HIVEP2: variants seen among roughly 807,000 people sequenced by gnomAD.
HIVEP2 encodes the protein HIVEP zinc finger 2.
HIVEP2 carries 14 observed loss-of-function variants against 180.7 expected under a neutral mutation model. The ratio of observed to expected loss-of-function variants is 0.08; its 90% CI spans 0.05 to 0.12. The LOEUF (loss-of-function observed/expected upper bound fraction) is 0.12, where lower values mean the gene tolerates loss of function less well. Ranked by LOEUF, HIVEP2 falls within the 10% of genes least tolerant of loss-of-function variation. The pLI, the probability that HIVEP2 is intolerant of heterozygous loss-of-function variation, is 1.00. For missense variants in HIVEP2, 2,579 were observed against 3,008.5 expected (o/e 0.86, Z 3.34); for synonymous variants, 1,184 against 1,136.4 (o/e 1.04, Z -0.84).
rs1002059038 is a variant in HIVEP2, at chr6:142,845,247, T to C, written c.-640-8200A>G. On this transcript the variant is annotated intron_variant, in intron 1 of 9. Coordinates refer to ENST00000367603, the MANE Select transcript of HIVEP2 (RefSeq NM_006734.4). ...AATAGAAGCAAGACTTCCTCCTCTGTGGGAAATATTAGTAATCCTATTAAG... is the reference window on the plus strand; with the variant it reads ...AATAGAAGCAAGACTTCCTCCTCTGCGGGAAATATTAGTAATCCTATTAAG... Among the ~76,000 whole-genome samples the C allele has an allele frequency of 9.8e-5, 15 of 152,338 alleles. No homozygotes were observed. In the East Asian group the frequency reaches 1.7e-3, roughly 18 times the overall value.
chr6:142,937,947 G>T (rs1304389050), intron 1 of HIVEP2, among the ~76,000 whole-genome samples: 3 of 152,176 alleles, frequency 2.0e-5, no homozygotes, highest in Non-Finnish European at 4.4e-5. Flanking sequence ...CCTTCTAACG[G>T]ATTTGCTAAA....
At chr6:142,844,548 CCA>C (rs900542793) in intron 1 of HIVEP2, among the ~76,000 whole-genome samples, 2 of 152,132 alleles carry the variant, frequency 1.3e-5, no homozygotes, top group Non-Finnish European at 2.9e-5. Flanking sequence ...TATGGTTTAG[CCA>C]CAGTTACTGT....
intron 2 of HIVEP2, among the ~76,000 whole-genome samples, chr6:142,789,351 C>A (rs998559162): frequency 6.6e-6 from 1 of 152,148 alleles, no homozygotes; most frequent in African/African-American, 2.4e-5. Flanking sequence ...TTAAAACACA[C>A]GTCATGTTTT....
chr6:142,837,911 T>G (rs982710085), intron 1 of HIVEP2, among the ~76,000 whole-genome samples: 4 of 152,130 alleles, frequency 2.6e-5, no homozygotes, highest in Non-Finnish European at 5.9e-5. Context: ...TACTAATATT[T>G]CAAAAAGTCT....
At chr6:142,830,108 T>C (rs992370881) in intron 2 of HIVEP2, among the ~76,000 whole-genome samples, 1 of 152,106 alleles carries the variant, frequency 6.6e-6, no homozygotes, top group Non-Finnish European at 1.5e-5. Flanking sequence ...ACTGCTACCA[T>C]CAAATTTAAG....
intron 2 of HIVEP2, among the ~76,000 whole-genome samples, chr6:142,822,595 T>G (rs976207077): frequency 2.6e-5 from 4 of 152,148 alleles, no homozygotes; most frequent in Non-Finnish European, 5.9e-5. Context: ...AATGAAACAG[T>G]TTTTTTCTCA....
chr6:142,839,554 G>A (rs940181795), intron 1 of HIVEP2, among the ~76,000 whole-genome samples: 4 of 151,972 alleles, frequency 2.6e-5, no homozygotes, highest in Non-Finnish European at 5.9e-5. Context: ...TCAGTTATTC[G>A]CATGTAATAA....
rs1464105567 is a variant in HIVEP2 at position 142,770,768 on chromosome 6, C to G, written c.3971G>C (p.Gly1324Ala). ...TGTTCCTGGGAGGGACTGCAAAGAC[C>G]CAGCATTTGCCGAGGCAAAATCTTC... ...LQEDFASANA[G>A]SLQSLPGTVV... The change falls in exon 5 of 10, where the codon GGG becomes GCG. Residue 1324 changes from glycine to alanine, a missense_variant. Around this residue, in one of 11 missense-constraint regions of HIVEP2, gnomAD observed 523 missense variants for 577.0 expected, o/e 0.91. Transcript: ENST00000367603. The surrounding 1 kb of genome is among the most constrained non-coding windows in gnomAD (Gnocchi z 4.7). 6.2e-7 allele frequency: 1 copy of G among 1,614,032 alleles called. No homozygotes were observed. The highest frequency in any genetic ancestry group is 8.5e-7 in the Non-Finnish European group (1 of 1,180,038).
At chr6:142,914,109 G>A (rs6923290) in intron 1 of HIVEP2, among the ~76,000 whole-genome samples, 28,930 of 152,006 alleles carry the variant, frequency 0.19, 3,277 homozygotes, top group Middle Eastern at 0.26. Flanking sequence ...CTAACACTGC[G>A]TATCCGTAGG....
intron 1 of HIVEP2, among the ~76,000 whole-genome samples, chr6:142,896,649 G>GA (rs1261443950): frequency 1.3e-5 from 2 of 152,010 alleles, no homozygotes; most frequent in East Asian, 1.9e-4. Context: ...TCACAAAAAA[G>GA]AAAAAACAAT....
rs770979740 is a variant in HIVEP2, at chr6:142,772,282, T to C, written c.2457A>G (p.Ser819=). ...SRPNSFERSE[S]AELVACTQDK... ...CCTGTGTGCAAGCCACAAGTTCGGC[T>C]GACTCAGACCTTTCAAATGAATTGG... Residue 819 remains serine, a synonymous_variant, in exon 5 of 10, where the codon TCA becomes TCG. Coordinates refer to ENST00000367603, the MANE Select transcript of HIVEP2 (RefSeq NM_006734.4). The surrounding 1 kb of genome is among the most constrained non-coding windows in gnomAD (Gnocchi z 4.9). 8 of 1,614,236 alleles carry C rather than the reference T, an allele frequency of 5.0e-6. 1 individual carries two copies. In the South Asian group the frequency reaches 7.7e-5, roughly 16 times the overall value.
At chr6:142,768,815 C>T (rs574922188) in intron 5 of HIVEP2, among the ~76,000 whole-genome samples, 5 of 151,882 alleles carry the variant, frequency 3.3e-5, no homozygotes, top group South Asian at 2.1e-4. Flanking sequence ...CTGTGCAATG[C>T]TAATACTTAA....
intron 1 of HIVEP2, among the ~76,000 whole-genome samples, chr6:142,850,695 T>A (rs1444378688): frequency 6.6e-6 from 1 of 152,222 alleles, no homozygotes; most frequent in Non-Finnish European, 1.5e-5. Flanking sequence ...TTCAGACATC[T>A]AGATGGGAGG....
chr6:142,927,818 T>C lies in HIVEP2; in HGVS notation c.-641+17281A>G, dbSNP rs1450426988. ...ACCAGATTATAACAATGTGTAATTG[T>C]AGAGAAGCTGTGGCTTACGGTTAAT... On this transcript the variant is annotated intron_variant, in intron 1 of 9. Transcript: ENST00000367603. 3.3e-5 allele frequency among the ~76,000 whole-genome samples: 5 copies of C among 152,328 alleles called. No homozygotes were observed. The East Asian group carries it at 9.6e-4, about 29-fold the overall frequency.
At chr6:142,828,883 T>C (rs910765482) in intron 2 of HIVEP2, among the ~76,000 whole-genome samples, 4 of 152,240 alleles carry the variant, frequency 2.6e-5, no homozygotes, top group Non-Finnish European at 5.9e-5. Flanking sequence ...TTAAATTGAA[T>C]CTTTAACTGC....
intron 1 of HIVEP2, among the ~76,000 whole-genome samples, chr6:142,924,367 T>A (rs1777752716): frequency 6.6e-6 from 1 of 152,202 alleles, no homozygotes; most frequent in South Asian, 2.1e-4. Context: ...TCAGGCACCG[T>A]TCTAGGCATT....
intron 1 of HIVEP2, among the ~76,000 whole-genome samples, chr6:142,868,352 A>C (rs114838913): frequency 4.7e-3 from 710 of 152,330 alleles, no homozygotes; most frequent in African/African-American, 0.016. Flanking sequence ...CACAAGAACA[A>C]AAATACATTC....
At position 142,774,006 on chromosome 6, in the gene HIVEP2, C is replaced by T. The variant is rs756905251; in HGVS notation, c.733G>A (p.Ala245Thr). Residue 245 changes from alanine (A) to threonine (T), a missense_variant, in exon 5 of 10, where the codon GCA becomes ACA. Physicochemically the swap from Ala to Thr is moderately conservative, Grantham distance 58. Transcript: ENST00000367603. The surrounding 1 kb of genome is among the most constrained non-coding windows in gnomAD (Gnocchi z 5.1). ...HRKSHAHAIK[A>T]GLVPFTESAV... ...GACTCTGTGAAAGGTACTAATCCTG[C>T]CTTAATTGCATGGGCATGTGACTTC... 3.7e-6 allele frequency: 6 copies of T among 1,614,206 alleles called. No individual in the cohort carries two copies. The highest frequency in any genetic ancestry group is 1.7e-6 in the Non-Finnish European group (2 of 1,180,038).
At position 142,858,051 on chromosome 6, in the gene HIVEP2, G is replaced by C. The variant is rs552079474; in HGVS notation, c.-640-21004C>G. Reference sequence around the variant, plus strand: ...ACAGGTGGTTGGGGGAAGAGAGGCTGTTCCCCCTAGAAGAGTATCTCAACC... The same window carrying C: ...ACAGGTGGTTGGGGGAAGAGAGGCTCTTCCCCCTAGAAGAGTATCTCAACC... On this transcript the variant is annotated intron_variant, in intron 1 of 9. Coordinates refer to ENST00000367603, the MANE Select transcript of HIVEP2 (RefSeq NM_006734.4). Among the ~76,000 whole-genome samples the C allele has an allele frequency of 5.3e-3, 802 of 152,302 alleles. 6 individuals are homozygous for C. The highest frequency in any genetic ancestry group is 5.4e-3 in the Non-Finnish European group (367 of 68,020).
Sources: gnomAD v4.1 joint callset for allele counts (sites outside exome capture counted in the v4.1 genomes callset) on GRCh38, gnomAD v4.1.1 for gene constraint, gnomAD v4.1.1 regional missense constraint, Gnocchi (gnomAD v3.1) non-coding constraint, MANE v1.5 for transcripts, NCBI Gene and HGNC (gene_info 2026-07-23, HGNC 2026-07-21) for gene names.